The following XPR1 variants were observed in gnomAD, a reference collection of about 807,000 sequenced individuals.
XPR1 encodes the protein solute carrier family 53 member 1.
In XPR1, 28 loss-of-function variants were observed where a neutral mutation model predicts 87.5. The observed-to-expected ratio is 0.32, with a 90% CI of 0.24 to 0.44. The LOEUF is 0.44. Among genes scored for constraint, XPR1 ranks in the 20% least tolerant of loss-of-function variants. The pLI is 1.00. For missense variants in XPR1, 559 were observed against 862.3 expected, an observed-to-expected ratio of 0.65 and a Z score of 4.41; for synonymous variants, 300 against 306.1, an observed-to-expected ratio of 0.98 and a Z score of 0.21.
intron 1 of XPR1, among the ~76,000 whole-genome samples, chr1:180,650,810 T>C (rs553148842): frequency 6.6e-6 from 1 of 152,302 alleles, no homozygotes; most frequent in African/African-American, 2.4e-5. Flanking sequence ...TCTCTCTGAG[T>C]CTTAGTTTTC....
chr1:180,696,165 GGT>G (rs59249501), intron 2 of XPR1, among the ~76,000 whole-genome samples: 4,695 of 102,598 alleles, frequency 0.046, 125 homozygotes, highest in Middle Eastern at 0.058. Flanking sequence ...TTTATTCCTG[GGT>G]GTGTGTGTGT....
rs1316195343 is a variant in XPR1, at chr1:180,787,820, A to G, written c.189A>G (p.Glu63=). 6.2e-7 allele frequency: 1 copy of G among 1,613,626 alleles called. No individual in the cohort carries two copies. Among genetic ancestry groups the G allele is most frequent in the East Asian group, 2.2e-5 (1 of 44,864 alleles). The change falls in exon 3 of 15, where the codon GAA becomes GAG. Residue 63 remains glutamate (E), a synonymous_variant. Transcript: ENST00000367590. ...AAGAGAAGTTTTTCCAAACCTGTGA[A>G]AAAGAACTTGCCAAAATCAACACAT... ...KFEEKFFQTC[E]KELAKINTFY...
At chr1:180,695,011 C>T (rs1657116063) in intron 2 of XPR1, among the ~76,000 whole-genome samples, 1 of 152,050 alleles carries the variant, frequency 6.6e-6, no homozygotes, top group African/African-American at 2.4e-5. Flanking sequence ...ACATTCCCAC[C>T]AACAGTGAAT....
At chr1:180,671,879 C>T (rs1340251160) in intron 1 of XPR1, among the ~76,000 whole-genome samples, 5 of 152,076 alleles carry the variant, frequency 3.3e-5, no homozygotes, top group African/African-American at 7.2e-5. Context: ...TGAGCCACCG[C>T]GTCTAGCCAA....
chr1:180,758,146 C>CACACACACACACA (rs3222289), intron 2 of XPR1, among the ~76,000 whole-genome samples: 1 of 150,862 alleles, frequency 6.6e-6, no homozygotes, highest in Non-Finnish European at 1.5e-5. Context: ...CACACACACA[C>CACACACACACACA]ATTATTCAGC....
At chr1:180,705,909 C>T (rs1420062185) in intron 2 of XPR1, among the ~76,000 whole-genome samples, 1 of 152,106 alleles carries the variant, frequency 6.6e-6, no homozygotes, top group Non-Finnish European at 1.5e-5. Context: ...AAGAGAATGA[C>T]TAATGGAGAA....
At chr1:180,643,864 G>A (rs1655030694) in intron 1 of XPR1, among the ~76,000 whole-genome samples, 1 of 152,116 alleles carries the variant, frequency 6.6e-6, no homozygotes, top group Non-Finnish European at 1.5e-5. Context: ...CAAGTAGAAG[G>A]TGCATTTGAG....
At position 180,689,877 on chromosome 1, in the gene XPR1, C is replaced by T. The variant is rs187216727; in HGVS notation, c.121+7466C>T. ...TTCTAAGGTTAAAAGTTTATTTGCC[C>T]ATTTGTGATGGCTGACACCTGTAAT... On this transcript the variant is annotated intron_variant, in intron 2 of 14. Transcript: ENST00000367590. Among the ~76,000 whole-genome samples, 12 of 152,152 alleles carry T rather than the reference C, an allele frequency of 7.9e-5. No individual in the cohort carries two copies. In the East Asian group the frequency reaches 2.1e-3, roughly 27 times the overall value.
At chr1:180,785,457 C>A (rs995068826) in intron 2 of XPR1, among the ~76,000 whole-genome samples, 1 of 152,040 alleles carries the variant, frequency 6.6e-6, no homozygotes, top group Non-Finnish European at 1.5e-5. Flanking sequence ...CACACCCAGC[C>A]AGATAAAACA....
At chr1:180,796,087 C>T (rs763006051) in intron 3 of XPR1, among the ~76,000 whole-genome samples, 6 of 152,114 alleles carry the variant, frequency 3.9e-5, no homozygotes, top group African/African-American at 1.4e-4. Context: ...GGATTACAGG[C>T]GTGAGCGACT....
At chr1:180,647,175 G>C (rs962705254) in intron 1 of XPR1, among the ~76,000 whole-genome samples, 3 of 152,236 alleles carry the variant, frequency 2.0e-5, no homozygotes, top group African/African-American at 7.2e-5. Flanking sequence ...TGGCACTGCT[G>C]ATCTGACAGG....
rs12042617 is a variant in XPR1, at chr1:180,810,623, T to C, written c.682-784T>C. ...CCTCAGTATAATAATGTAAGTACTATCAGAAAGTAAGCGTTCTTGTCTCCG... is the reference window on the plus strand; with the variant it reads ...CCTCAGTATAATAATGTAAGTACTACCAGAAAGTAAGCGTTCTTGTCTCCG... On this transcript the variant is annotated intron_variant, in intron 6 of 14. Transcript: ENST00000367590. Among the ~76,000 whole-genome samples, 84 of 152,056 alleles carry C rather than the reference T, an allele frequency of 5.5e-4. No homozygotes were observed. In the East Asian group the frequency reaches 0.013, roughly 24 times the overall value.
intron 1 of XPR1, among the ~76,000 whole-genome samples, chr1:180,680,458 C>T (rs1048378108): frequency 3.4e-5 from 5 of 149,042 alleles, no homozygotes; most frequent in South Asian, 2.1e-4. Flanking sequence ...CTCTGCCTCC[C>T]GGGTTCAAGC....
intron 2 of XPR1, among the ~76,000 whole-genome samples, chr1:180,738,529 T>A (rs1196283529): frequency 6.6e-6 from 1 of 152,230 alleles, no homozygotes; most frequent in Non-Finnish European, 1.5e-5. Flanking sequence ...AACATAAAAA[T>A]TACCCATTTA....
intron 2 of XPR1, among the ~76,000 whole-genome samples, chr1:180,733,513 A>G (rs1297704271): frequency 6.6e-6 from 1 of 152,228 alleles, no homozygotes; most frequent in African/African-American, 2.4e-5. Context: ...GCATGGAGCT[A>G]GAAGCTTTTA....
At chr1:180,665,439 A>C (rs895137922) in intron 1 of XPR1, among the ~76,000 whole-genome samples, 34 of 152,194 alleles carry the variant, frequency 2.2e-4, no homozygotes, top group African/African-American at 7.7e-4. Context: ...TTACTGGTCC[A>C]GGGCCTTGGG....
intron 11 of XPR1, among the ~76,000 whole-genome samples, chr1:180,850,734 G>T (rs572726765): frequency 2.5e-4 from 38 of 152,088 alleles, no homozygotes; most frequent in Non-Finnish European, 4.0e-4. Flanking sequence ...AAGTTGGGAG[G>T]ATCACTTAAG....
At chr1:180,761,631 G>C (rs1429914585) in intron 2 of XPR1, among the ~76,000 whole-genome samples, 1 of 152,198 alleles carries the variant, frequency 6.6e-6, no homozygotes, top group African/African-American at 2.4e-5. Flanking sequence ...ACAGGTGCTG[G>C]AGAGGATGTG....
At chr1:180,857,072 A>G (rs973431419) in intron 11 of XPR1, among the ~76,000 whole-genome samples, 2 of 152,268 alleles carry the variant, frequency 1.3e-5, no homozygotes, top group African/African-American at 4.8e-5. Context: ...TTTTAGGTAT[A>G]GATTACATAA....
Sources: allele counts gnomAD v4.1 joint callset (sites outside exome capture counted in the v4.1 genomes callset), GRCh38; gene constraint gnomAD v4.1.1; transcripts MANE v1.5; gene names NCBI Gene and HGNC (gene_info 2026-07-23, HGNC 2026-07-21).